Variants in UGT1A6 observed in about 807,000 individuals in gnomAD.
UGT1A6 encodes UDP-glucuronosyltransferase 1A6.
Under a neutral mutation model 44.4 loss-of-function variants are expected in UGT1A6, and 32 were observed. That is an observed-to-expected ratio of 0.72 (90% confidence interval 0.54 to 0.97). The LOEUF (loss-of-function observed/expected upper bound fraction) is 0.97. UGT1A6 is among the 50% of genes least tolerant of loss of function. UGT1A6 has a pLI of 0.00. For missense variants in UGT1A6, 685 were observed against 661.9 expected (o/e 1.03, Z -0.38); for synonymous variants, 238 against 248.5 (o/e 0.96, Z 0.40).
upstream of UGT1A6, chr2:233,692,193 G>C (rs1481987311): frequency 1.3e-5 from 2 of 152,356 alleles, no homozygotes. Flanking sequence ...GGTTGCTGAA[G>C]GTGTGGAGGG....
chr2:233,768,017 T>G, intron 3 of UGT1A6, 81 bp downstream of exon 3: 1 of 1,613,870 alleles, frequency 6.2e-7, no homozygotes, highest in Admixed American at 1.7e-5. Flanking sequence ...TCTAAAGGAT[T>G]GTTGAGCTTG....
rs150837733 is a variant in UGT1A6, at chr2:233,735,056, T to A, written c.862-31978T>A. ...TGCTTGGTGCAGAGCTGAGTTCAGG[T>A]CCTGGATATCCTTGTTAACCTTTGG... On this transcript the variant is annotated intron_variant, in intron 1 of 4. Coordinates refer to ENST00000305139, the MANE Select transcript of UGT1A6 (RefSeq NM_001072.4). 1.8e-3 allele frequency among the ~76,000 whole-genome samples: 281 copies of A among 152,326 alleles called. 3 individuals are homozygous for A. Among genetic ancestry groups the A allele is most frequent in the East Asian group, 0.013 (69 of 5,186 alleles).
At position 233,723,536 on chromosome 2, in the gene UGT1A6, T is replaced by TTTA. The variant is rs1553611580; in HGVS notation, c.861+29671_861+29672insTTA. Among the ~76,000 whole-genome samples, 173 of 121,466 alleles carry TTTA rather than the reference T, an allele frequency of 1.4e-3. 3 individuals carry two copies. Among genetic ancestry groups the TTTA allele is most frequent in the African/African-American group, 3.3e-3 (98 of 29,940 alleles). 79.7% of individuals were successfully genotyped at this position (121,466 alleles called of 152,430 possible). A position where few individuals can be genotyped will look rare whatever the true frequency, so the allele number is the denominator to read the frequency against. On this transcript the variant is annotated intron_variant, in intron 1 of 4. Transcript: ENST00000305139. Reference sequence around the variant, plus strand: ...ACAATCTTTTTTTTTTTTTTTTTTTTAATTTATTTTTTTATTGATAATTCT... The same window carrying TTTA: ...ACAATCTTTTTTTTTTTTTTTTTTTTTTAAATTTATTTTTTTATTGATAATTCT...
At chr2:233,710,045 C>T (rs1309326393) in intron 1 of UGT1A6, among the ~76,000 whole-genome samples, 1 of 152,194 alleles carries the variant, frequency 6.6e-6, no homozygotes, top group Non-Finnish European at 1.5e-5. Context: ...TGTCTGGCCT[C>T]TTTGGCTCGG....
chr2:233,768,076 A>G (rs1699558493), intron 3 of UGT1A6, 140 bp downstream of exon 3: 2 of 1,593,048 alleles, frequency 1.3e-6, no homozygotes, highest in African/African-American at 1.3e-5. Flanking sequence ...CTAGTGGGGT[A>G]TCTCAACCCA....
At chr2:233,761,125 T>C (rs754213125) in intron 1 of UGT1A6, 1 of 1,614,252 alleles carries the variant, frequency 6.2e-7, no homozygotes, top group Non-Finnish European at 8.5e-7. Context: ...TGGAATCAAC[T>C]GCCTTCACCA....
chr2:233,719,572 A>T (rs2076782519), intron 1 of UGT1A6: 1 of 1,613,740 alleles, frequency 6.2e-7, no homozygotes, highest in Admixed American at 1.7e-5. Context: ...CTTGTCAGCT[A>T]TGCATCCGTG....
In UGT1A6 at chr2:233,755,401, T is replaced by C. The variant is rs995268070; in HGVS notation, c.862-11633T>C. 43 of 336,532 alleles carry C rather than the reference T, an allele frequency of 1.3e-4. 1 individual carries two copies. The Admixed American group carries it at 1.6e-3, about 13-fold the overall frequency. The allele number at this position is 336,532 out of a possible 1,614,324, so 20.8% of individuals were successfully genotyped here. A position where few individuals can be genotyped will look rare whatever the true frequency, so the allele number is the denominator to read the frequency against. On this transcript the variant is annotated intron_variant, in intron 1 of 4. Transcript: ENST00000305139. ...CCCCTTATGACGCAGCCACATCTCA[T>C]TGGCCGAGGCCTGTGAGCGCCTCGC...
At chr2:233,707,538 CTTTT>C (rs753963758) in intron 1 of UGT1A6, among the ~76,000 whole-genome samples, 2 of 127,006 alleles carry the variant, frequency 1.6e-5, no homozygotes, top group African/African-American at 5.8e-5. Context: ...TTTGTCTTGC[CTTTT>C]TTTTTTTTTT....
chr2:233,746,343 T>C (rs754584416), intron 1 of UGT1A6, among the ~76,000 whole-genome samples: 11 of 151,756 alleles, frequency 7.2e-5, no homozygotes, highest in Non-Finnish European at 1.6e-4. Context: ...TGGACATGTT[T>C]ATGTTGCTCC....
intron 1 of UGT1A6, among the ~76,000 whole-genome samples, chr2:233,736,521 CAA>C (rs1208875271): frequency 6.6e-6 from 1 of 152,210 alleles, no homozygotes; most frequent in Non-Finnish European, 1.5e-5. Flanking sequence ...GTCAACTCGT[CAA>C]AGTCATTCTC....
chr2:233,740,508 G>A (rs529004725), intron 1 of UGT1A6, among the ~76,000 whole-genome samples: 1 of 152,040 alleles, frequency 6.6e-6, no homozygotes, highest in East Asian at 1.9e-4. Flanking sequence ...AGTGTGTGAT[G>A]TAAGCTGAAC....
intron 1 of UGT1A6, among the ~76,000 whole-genome samples, chr2:233,723,516 C>CTTT (rs1162916866): frequency 1.9e-4 from 16 of 85,394 alleles, no homozygotes; most frequent in African/African-American, 7.3e-4. Context: ...GGTCAACAAT[C>CTTT]TTTTTTTTTT....
At chr2:233,764,490 G>A (rs1698574986) in intron 1 of UGT1A6, among the ~76,000 whole-genome samples, 2 of 152,164 alleles carry the variant, frequency 1.3e-5, no homozygotes, top group South Asian at 4.1e-4. Flanking sequence ...AATGTTTATG[G>A]ACCTGTGGGT....
At chr2:233,692,142 C>G (rs1377073797), upstream of UGT1A6, 1 of 152,134 alleles carries the variant, frequency 6.6e-6, no homozygotes, top group East Asian at 1.9e-4. Flanking sequence ...GTATGGAAGC[C>G]TACATAAAAA....
intron 1 of UGT1A6, among the ~76,000 whole-genome samples, chr2:233,766,279 G>A (rs886209261): frequency 2.6e-5 from 4 of 151,814 alleles, no homozygotes; most frequent in Non-Finnish European, 4.4e-5. Context: ...TCGGTGGCCC[G>A]GGCTCGGTGG....
chr2:233,764,332 A>G (rs1422714629), intron 1 of UGT1A6, among the ~76,000 whole-genome samples: 2 of 152,124 alleles, frequency 1.3e-5, no homozygotes, highest in Non-Finnish European at 2.9e-5. Flanking sequence ...CAAGTAGGGG[A>G]TGGACTTCAC....
chr2:233,738,486 T>C (rs1260702507), intron 1 of UGT1A6, among the ~76,000 whole-genome samples: 1 of 152,220 alleles, frequency 6.6e-6, no homozygotes, highest in Non-Finnish European at 1.5e-5. Flanking sequence ...GGAGACTTGT[T>C]GAACGGTTTT....
At chr2:233,755,280 C>A in intron 1 of UGT1A6, 2 of 709,720 alleles carry the variant, frequency 2.8e-6, no homozygotes, top group Non-Finnish European at 4.3e-6. Flanking sequence ...GCTGGACTGC[C>A]AAAGAGCCTG....
Sources: gnomAD v4.1 joint callset for allele counts (sites outside exome capture counted in the v4.1 genomes callset) on GRCh38, gnomAD v4.1.1 for gene constraint, MANE v1.5 for transcripts, NCBI Gene and HGNC (gene_info 2026-07-23, HGNC 2026-07-21) for gene names.